Variants in RFX3 observed in about 807,000 individuals in gnomAD.
RFX3 encodes the protein transcription factor RFX3.
RFX3 carries 14 observed loss-of-function variants against 98.6 expected under a neutral mutation model. That is an observed-to-expected ratio of 0.14 (90% CI 0.09 to 0.22). RFX3 has a LOEUF of 0.22. RFX3 is among the 10% of genes least tolerant of loss of function. RFX3 has a pLI of 1.00. For synonymous variants in RFX3, 383 were observed against 328.4 expected (o/e 1.17, Z -1.80); for missense variants, 639 against 926.9 (o/e 0.69, Z 4.03).
intron 1 of RFX3, among the ~76,000 whole-genome samples, chr9:3,455,758 A>T (rs1847093143): frequency 6.6e-6 from 1 of 152,236 alleles, no homozygotes; most frequent in South Asian, 2.1e-4. Flanking sequence ...ATTCTTCAAA[A>T]TATTTTTTAT....
At chr9:3,502,903 G>T (rs1473124839) in intron 1 of RFX3, among the ~76,000 whole-genome samples, 2 of 152,114 alleles carry the variant, frequency 1.3e-5, no homozygotes, top group African/African-American at 4.8e-5. Context: ...TAACTTTAAA[G>T]GAGAGTGATG....
At chr9:3,490,992 C>T (rs540376173) in intron 1 of RFX3, among the ~76,000 whole-genome samples, 1 of 152,136 alleles carries the variant, frequency 6.6e-6, no homozygotes, top group African/African-American at 2.4e-5. Flanking sequence ...CAGAGATCAA[C>T]TTATTACAAC....
At chr9:3,423,207 C>A (rs36091570) in intron 1 of RFX3, among the ~76,000 whole-genome samples, 2 of 151,964 alleles carry the variant, frequency 1.3e-5, no homozygotes, top group African/African-American at 4.8e-5. Context: ...TCAAACGGTA[C>A]AACCACTTCA....
intron 2 of RFX3, among the ~76,000 whole-genome samples, chr9:3,374,734 G>C (rs1838258748): frequency 6.6e-6 from 1 of 152,072 alleles, no homozygotes; most frequent in African/African-American, 2.4e-5. Flanking sequence ...GAGAGTTTCA[G>C]CTTTGCAAGA....
At chr9:3,307,849 A>G (rs1438279196) in intron 4 of RFX3, among the ~76,000 whole-genome samples, 1 of 152,200 alleles carries the variant, frequency 6.6e-6, no homozygotes, top group African/African-American at 2.4e-5. Flanking sequence ...AGCCTCAGTG[A>G]TATCTCTCTT....
chr9:3,277,237 ATCTT>A (rs1211745657), intron 8 of RFX3, 99 bp downstream of exon 8: 5 of 1,256,106 alleles, frequency 4.0e-6, no homozygotes, highest in African/African-American at 3.0e-5. Context: ...ACCAAAAAAA[ATCTT>A]TCTATGTCAT....
intron 2 of RFX3, 110 bp downstream of exon 2, chr9:3,395,362 T>C (rs1157527268): frequency 8.2e-7 from 1 of 1,220,632 alleles, no homozygotes; most frequent in South Asian, 1.4e-5. Context: ...AACTGAAGTA[T>C]GCCTATCATA....
intron 15 of RFX3, among the ~76,000 whole-genome samples, chr9:3,241,178 G>A (rs1819865047): frequency 6.6e-6 from 1 of 151,452 alleles, no homozygotes; most frequent in Non-Finnish European, 1.5e-5. Flanking sequence ...AGTATTGACA[G>A]GCACTTTCTA....
At chr9:3,255,560 T>C (rs985582893) in intron 14 of RFX3, among the ~76,000 whole-genome samples, 2 of 152,212 alleles carry the variant, frequency 1.3e-5, no homozygotes, top group African/African-American at 2.4e-5. Flanking sequence ...GCCAGCTTTA[T>C]CTAAAGAAGC....
chr9:3,354,221 A>G (rs946899316), intron 2 of RFX3, among the ~76,000 whole-genome samples: 4 of 152,052 alleles, frequency 2.6e-5, no homozygotes, highest in African/African-American at 9.7e-5. Context: ...AACATACTGA[A>G]TAAAGAGTGG....
intron 15 of RFX3, among the ~76,000 whole-genome samples, chr9:3,245,006 G>C (rs545786568): frequency 3.9e-5 from 6 of 152,162 alleles, no homozygotes; most frequent in Non-Finnish European, 8.8e-5. Flanking sequence ...AACATGATTT[G>C]CCCAAGATTA....
In RFX3 at chr9:3,221,522, C is replaced by T. The variant is rs951657191; in HGVS notation, c.*3520G>A. ...ACCATCTAAAGAGAGGTGCATAAAC[C>T]GTGCTATACAGTACAAGAAAAATCA... On this transcript the variant is annotated 3_prime_UTR_variant, in exon 17 of 17. Coordinates refer to ENST00000617270, the MANE Select transcript of RFX3 (RefSeq NM_001282116.2). 4 of 152,134 alleles carry T rather than the reference C, an allele frequency of 2.6e-5. No homozygotes were observed. Among genetic ancestry groups the T allele is most frequent in the South Asian group, 4.1e-4 (2 of 4,822 alleles). 9.4% of individuals were successfully genotyped at this position (152,134 alleles called of 1,614,324 possible).
chr9:3,475,583 AATAGCATACGCTATT>A (rs1428856733), intron 1 of RFX3, among the ~76,000 whole-genome samples: 2 of 152,216 alleles, frequency 1.3e-5, no homozygotes, highest in Non-Finnish European at 1.5e-5. Flanking sequence ...CAGCGTATGC[AATAGCATACGCTATT>A]ATTTCTGCAT....
chr9:3,237,595 C>A (rs1011426208), intron 15 of RFX3, among the ~76,000 whole-genome samples: 1 of 152,122 alleles, frequency 6.6e-6, no homozygotes, highest in Admixed American at 6.5e-5. Context: ...GGAGATGGAA[C>A]TAACAAAGAT....
chr9:3,511,962 T>C (rs569054124), intron 1 of RFX3, among the ~76,000 whole-genome samples: 16 of 152,208 alleles, frequency 1.1e-4, no homozygotes, highest in African/African-American at 3.4e-4. Context: ...TTAGAATGTG[T>C]GTAACACAAG....
rs534662423 is a variant in RFX3, at chr9:3,223,027, T to C, written c.*2015A>G. ...TATTACCCGATAAGCCATTTGGTAT[T>C]TCTAACTTTACAGACTGGCTCACCT... is the stretch of plus-strand genomic sequence containing the variant. On this transcript the variant is annotated 3_prime_UTR_variant, in exon 17 of 17. Transcript: ENST00000617270. 6.6e-6 allele frequency: 1 copy of C among 152,276 alleles called. No individual in the cohort carries two copies. The highest frequency in any genetic ancestry group is 1.9e-4 in the East Asian group (1 of 5,186). The allele number at this position is 152,276 out of a possible 1,614,324, so 9.4% of individuals were successfully genotyped here.
chr9:3,521,582 C>G (rs1473249292), intron 1 of RFX3, among the ~76,000 whole-genome samples: 1 of 151,996 alleles, frequency 6.6e-6, no homozygotes, highest in East Asian at 1.9e-4. Flanking sequence ...TAAAAGTGAA[C>G]CTTAGAAATC....
intron 1 of RFX3, among the ~76,000 whole-genome samples, chr9:3,504,956 AT>A (rs1554728053): frequency 1.8e-4 from 11 of 61,730 alleles, no homozygotes; most frequent in African/African-American, 5.7e-4. Flanking sequence ...TATAATATAT[AT>A]TATATATAAT....
chr9:3,434,401 C>G (rs1189156509), intron 1 of RFX3, among the ~76,000 whole-genome samples: 3 of 152,112 alleles, frequency 2.0e-5, no homozygotes, highest in East Asian at 1.9e-4. Context: ...CTAGCAATCT[C>G]TGTAACATGG....
Sources: allele counts gnomAD v4.1 joint callset (sites outside exome capture counted in the v4.1 genomes callset), GRCh38; gene constraint gnomAD v4.1.1; transcripts MANE v1.5; gene names NCBI Gene and HGNC (gene_info 2026-07-23, HGNC 2026-07-21).